MAP2: variants seen among roughly 807,000 people sequenced by gnomAD.
The protein encoded by MAP2 is microtubule associated protein 2.
In MAP2, 14 loss-of-function variants were observed where a neutral mutation model predicts 137.6. The observed-to-expected ratio is 0.10, with a 90% CI of 0.07 to 0.16. The LOEUF (loss-of-function observed/expected upper bound fraction) is 0.16, where lower values mean the gene tolerates loss of function less well. MAP2 is among the 10% of genes least tolerant of loss of function. The pLI is 1.00. For missense variants in MAP2, 2,088 were observed against 2,191.5 expected, an observed-to-expected ratio of 0.95 and a Z score of 0.94; for synonymous variants, 786 against 782.3, an observed-to-expected ratio of 1.00 and a Z score of -0.08.
At chr2:209,432,479 C>T (rs978737457) in intron 1 of MAP2, among the ~76,000 whole-genome samples, 3 of 152,032 alleles carry the variant, frequency 2.0e-5, no homozygotes, top group Non-Finnish European at 2.9e-5. Context: ...TTGAAAGCCA[C>T]GAAAGGCATC....
At chr2:209,637,423 A>G (rs1194109897) in intron 4 of MAP2, among the ~76,000 whole-genome samples, 1 of 152,088 alleles carries the variant, frequency 6.6e-6, no homozygotes, top group Middle Eastern at 3.2e-3. Context: ...AGCCTGGGCA[A>G]TAGACTGAGA....
At position 209,696,546 on chromosome 2, in the gene MAP2, T is replaced by C. The variant is rs2060238411; in HGVS notation, c.4185T>C (p.Asp1395=). 1 of 1,610,150 alleles carries C rather than the reference T, an allele frequency of 6.2e-7. No individual in the cohort carries two copies. The highest frequency in any genetic ancestry group is 8.5e-7 in the Non-Finnish European group (1 of 1,178,560). ...ATGATTTGCTTTGATCCACAGATGA[T>C]GATAGGAGCATCATGACAGAACAGT... ...ADSLWVDTQD[D]DRSIMTEQLE... is the part of the protein sequence containing the mutation. Residue 1395 remains aspartate (D), a synonymous_variant, in exon 9 of 16, where the codon GAT becomes GAC. Transcript: ENST00000682079.
chr2:209,512,357 A>G (rs2061836535), intron 2 of MAP2, among the ~76,000 whole-genome samples: 1 of 151,928 alleles, frequency 6.6e-6, no homozygotes. Context: ...GGGGATTGCT[A>G]AATAAATAGG....
intron 5 of MAP2, among the ~76,000 whole-genome samples, chr2:209,677,845 G>T (rs2052650139): frequency 6.6e-6 from 1 of 151,806 alleles, no homozygotes; most frequent in Non-Finnish European, 1.5e-5. Flanking sequence ...AAAAATACTA[G>T]TTCTTTAGAA....
chr2:209,556,536 T>G (rs983887286), intron 2 of MAP2, among the ~76,000 whole-genome samples: 1 of 152,126 alleles, frequency 6.6e-6, no homozygotes, highest in Non-Finnish European at 1.5e-5. Flanking sequence ...ACATAGTAAG[T>G]GCTACAACTC....
intron 7 of MAP2, among the ~76,000 whole-genome samples, chr2:209,685,501 C>T (rs551642535): frequency 3.3e-5 from 5 of 152,162 alleles, no homozygotes; most frequent in African/African-American, 1.2e-4. Flanking sequence ...ATCTCTAGAG[C>T]TTGTAACGTA....
At chr2:209,615,575 C>A (rs1242172384) in intron 3 of MAP2, among the ~76,000 whole-genome samples, 1 of 152,166 alleles carries the variant, frequency 6.6e-6, no homozygotes, top group Non-Finnish European at 1.5e-5. Flanking sequence ...AAACATATAA[C>A]TTTATGTAAT....
At chr2:209,457,987 T>A (rs1701935318) in intron 1 of MAP2, among the ~76,000 whole-genome samples, 1 of 152,200 alleles carries the variant, frequency 6.6e-6, no homozygotes, top group Non-Finnish European at 1.5e-5. Context: ...CTGCCAACTT[T>A]TTTTTGTTAA....
intron 2 of MAP2, among the ~76,000 whole-genome samples, chr2:209,519,537 G>A (rs2062981890): frequency 6.6e-6 from 1 of 152,016 alleles, no homozygotes; most frequent in South Asian, 2.1e-4. Flanking sequence ...CAAGGTTCTT[G>A]AGAAAGCATT....
chr2:209,615,296 TGAA>T (rs2088814741), intron 3 of MAP2, among the ~76,000 whole-genome samples: 1 of 152,080 alleles, frequency 6.6e-6, no homozygotes, highest in Non-Finnish European at 1.5e-5. Flanking sequence ...TATTAGTGAG[TGAA>T]ATGCGTTCTT....
At chr2:209,572,316 G>A (rs1360141421) in intron 2 of MAP2, among the ~76,000 whole-genome samples, 1 of 151,896 alleles carries the variant, frequency 6.6e-6, no homozygotes, top group Admixed American at 6.6e-5. Context: ...CACATGCAAC[G>A]CGTATCTCAA....
intron 3 of MAP2, among the ~76,000 whole-genome samples, chr2:209,607,672 T>G (rs2085260658): frequency 6.6e-6 from 1 of 152,180 alleles, no homozygotes; most frequent in African/African-American, 2.4e-5. Context: ...TGACCTCAGG[T>G]GATCCACCCA....
chr2:209,545,114 G>T (rs1489465650), intron 2 of MAP2, among the ~76,000 whole-genome samples: 1 of 152,086 alleles, frequency 6.6e-6, no homozygotes, highest in East Asian at 1.9e-4. Flanking sequence ...TTTGGTGGGT[G>T]GGGGAGGAAA....
intron 13 of MAP2, among the ~76,000 whole-genome samples, chr2:209,719,710 C>T (rs1024002082): frequency 6.6e-5 from 10 of 151,772 alleles, no homozygotes; most frequent in Admixed American, 2.6e-4. Context: ...CAAGGAATAT[C>T]CAGAAAGAAA....
At chr2:209,610,422 A>G (rs914263526) in intron 3 of MAP2, among the ~76,000 whole-genome samples, 1 of 152,156 alleles carries the variant, frequency 6.6e-6, no homozygotes, top group Admixed American at 6.6e-5. Context: ...AATGCAAGCA[A>G]AAAGAAAATG....
At chr2:209,677,268 A>G (rs2052280690) in intron 5 of MAP2, among the ~76,000 whole-genome samples, 2 of 152,004 alleles carry the variant, frequency 1.3e-5, no homozygotes, top group African/African-American at 4.8e-5. Flanking sequence ...ATAAGATAGT[A>G]TTATCTCTTA....
At chr2:209,462,557 A>T (rs1181735471) in intron 1 of MAP2, among the ~76,000 whole-genome samples, 1 of 152,210 alleles carries the variant, frequency 6.6e-6, no homozygotes, top group Non-Finnish European at 1.5e-5. Context: ...AGAGACAAAA[A>T]GAAAGTCAGT....
intron 1 of MAP2, among the ~76,000 whole-genome samples, chr2:209,437,521 G>A (rs561083950): frequency 6.6e-6 from 1 of 151,578 alleles, no homozygotes; most frequent in Admixed American, 6.6e-5. Flanking sequence ...TCGATAATAG[G>A]TAGATATTGT....
At chr2:209,429,680 G>A (rs184788200) in intron 1 of MAP2, among the ~76,000 whole-genome samples, 2 of 152,142 alleles carry the variant, frequency 1.3e-5, no homozygotes, top group East Asian at 3.9e-4. Context: ...TACAGTTAAA[G>A]CAAACTCACA....
Sources: gnomAD v4.1 joint callset for allele counts (sites outside exome capture counted in the v4.1 genomes callset) on GRCh38, gnomAD v4.1.1 for gene constraint, MANE v1.5 for transcripts, NCBI Gene and HGNC (gene_info 2026-07-23, HGNC 2026-07-21) for gene names.